Variants in XPO1 observed in about 807,000 individuals in gnomAD.
XPO1 encodes the protein exportin 1.
Under a neutral mutation model 133.3 loss-of-function variants are expected in XPO1, and 5 were observed. The observed-to-expected ratio is 0.04, with a 90% CI of 0.02 to 0.08. The LOEUF (loss-of-function observed/expected upper bound fraction) is 0.08. XPO1 is among the 10% of genes least tolerant of loss of function. The pLI is 1.00. For synonymous variants in XPO1, 419 were observed against 408.2 expected (o/e 1.03, Z -0.32); for missense variants, 506 against 1,267.5 (o/e 0.40, Z 9.12).
chr2:61,480,904 T>C (rs1558624542), intron 24 of XPO1, among the ~76,000 whole-genome samples: 1 of 152,206 alleles, frequency 6.6e-6, no homozygotes, highest in Non-Finnish European at 1.5e-5. Context: ...CCAACGTTTT[T>C]CTTACCCAAT....
intron 24 of XPO1, among the ~76,000 whole-genome samples, chr2:61,479,190 G>A (rs976637126): frequency 2.6e-5 from 4 of 152,148 alleles, no homozygotes; most frequent in Non-Finnish European, 5.9e-5. Context: ...CATGGGCCCC[G>A]GCATGGTGGC....
chr2:61,530,064 T>C (rs990108568), intron 2 of XPO1, among the ~76,000 whole-genome samples: 3 of 152,206 alleles, frequency 2.0e-5, no homozygotes, highest in Non-Finnish European at 4.4e-5. Flanking sequence ...ATTTTAGCAG[T>C]GTTTTGGTCT....
At chr2:61,518,352 A>G (rs535555366) in intron 4 of XPO1, among the ~76,000 whole-genome samples, 2 of 151,794 alleles carry the variant, frequency 1.3e-5, no homozygotes, top group East Asian at 1.9e-4. Flanking sequence ...GGAGATCGAG[A>G]CCATCCTGGC....
At chr2:61,521,622 T>C (rs912440944) in intron 4 of XPO1, among the ~76,000 whole-genome samples, 2 of 152,190 alleles carry the variant, frequency 1.3e-5, no homozygotes, top group African/African-American at 4.8e-5. Flanking sequence ...ACCTTCATTT[T>C]CTGATCTTTC....
rs546269657 is a variant in XPO1 at position 61,522,597 on chromosome 2, CTTTA to C, written c.301+10_301+13del. 2 of 1,607,932 alleles carry C rather than the reference CTTTA, an allele frequency of 1.2e-6. No individual in the cohort carries two copies. Among genetic ancestry groups the C allele is most frequent in the Non-Finnish European group, 1.7e-6 (2 of 1,176,262 alleles). On this transcript the variant is annotated intron_variant, in intron 4 of 24. Coordinates refer to ENST00000401558, the MANE Select transcript of XPO1 (RefSeq NM_003400.4). ...AAAACAAAACTCTGAATTTATAATTCTTTATTTTCCTACCTTCGCACTGGTTCCT... is the reference window on the plus strand; with the variant it reads ...AAAACAAAACTCTGAATTTATAATTCTTTTCCTACCTTCGCACTGGTTCCT...
rs552419654 is a variant in XPO1 at position 61,510,564 on chromosome 2, G to C, written c.302-8254C>G. Among the ~76,000 whole-genome samples the C allele has an allele frequency of 2.6e-5, 4 of 152,258 alleles. No individual in the cohort carries two copies. The South Asian group carries it at 8.3e-4, about 32-fold the overall frequency. On this transcript the variant is annotated intron_variant, in intron 4 of 24. Transcript: ENST00000401558. ...CCGCCATTCTTAAATGGATGTTTAT[G>C]GCCTCAAACACACTGGACAAAAAAT...
chr2:61,487,653 A>T (rs1333729222), intron 19 of XPO1, among the ~76,000 whole-genome samples: 3 of 152,188 alleles, frequency 2.0e-5, no homozygotes, highest in Non-Finnish European at 2.9e-5. Flanking sequence ...TTAAAACCTA[A>T]AACTAATTCA....
At chr2:61,491,037 A>G (rs1306860322) in intron 16 of XPO1, among the ~76,000 whole-genome samples, 1 of 152,122 alleles carries the variant, frequency 6.6e-6, no homozygotes, top group Non-Finnish European at 1.5e-5. Context: ...GGTGCCTATA[A>G]TTCCAGTTAC....
chr2:61,529,786 A>G (rs1429274198), intron 2 of XPO1, among the ~76,000 whole-genome samples: 2 of 152,174 alleles, frequency 1.3e-5, no homozygotes, highest in Admixed American at 6.5e-5. Context: ...CCATACATCA[A>G]TCAGGAAAAC....
intron 1 of XPO1, chr2:61,536,799 G>A (rs1031031379): frequency 3.3e-5 from 5 of 152,278 alleles, no homozygotes; most frequent in East Asian, 1.9e-4. Flanking sequence ...GTGATCAGAG[G>A]AGGTCCGGGC....
At chr2:61,512,771 G>C (rs1266756152) in intron 4 of XPO1, among the ~76,000 whole-genome samples, 1 of 152,174 alleles carries the variant, frequency 6.6e-6, no homozygotes, top group Non-Finnish European at 1.5e-5. Flanking sequence ...AGCTGGGTGC[G>C]GTAGCTCACA....
chr2:61,521,728 G>T (rs1451685450), intron 4 of XPO1, among the ~76,000 whole-genome samples: 1 of 152,022 alleles, frequency 6.6e-6, no homozygotes, highest in Non-Finnish European at 1.5e-5. Context: ...CCATTCCCGA[G>T]TTAACCTTAC....
At chr2:61,506,892 C>A (rs1017080586) in intron 4 of XPO1, among the ~76,000 whole-genome samples, 3 of 151,892 alleles carry the variant, frequency 2.0e-5, no homozygotes, top group African/African-American at 7.3e-5. Context: ...ATTTCAATTC[C>A]TTTAAACTGG....
chr2:61,522,199 G>A (rs768391169), intron 4 of XPO1, among the ~76,000 whole-genome samples: 1 of 152,078 alleles, frequency 6.6e-6, no homozygotes, highest in African/African-American at 2.4e-5. Context: ...TGGGACCACA[G>A]ACATGAACCA....
At chr2:61,528,820 T>C (rs1699032913) in intron 2 of XPO1, among the ~76,000 whole-genome samples, 1 of 149,334 alleles carries the variant, frequency 6.7e-6, no homozygotes, top group African/African-American at 2.4e-5. Flanking sequence ...CATTAATATT[T>C]TTACCAACAG....
Position 61,490,629 on chromosome 2 carries a change from T to G in XPO1, c.2022+13A>C, listed in dbSNP as rs373073160. 1 of 1,613,712 alleles carries G rather than the reference T, an allele frequency of 6.2e-7. No homozygotes were observed. The highest frequency in any genetic ancestry group is 8.5e-7 in the Non-Finnish European group (1 of 1,179,936). On this transcript the variant is annotated intron_variant, in intron 17 of 24. Transcript: ENST00000401558. ...TCCCATGAAAACTTTTAAGAAAAGG[T>G]AGAAATACTTACTTTGGTTGCCTGC... is the stretch of plus-strand genomic sequence containing the variant.
Position 61,526,507 on chromosome 2 carries a change from T to C in XPO1, c.141A>G (p.Gln47=), listed in dbSNP as rs373257966. Residue 47 remains glutamine, a synonymous_variant, in exon 3 of 25, where the codon CAA becomes CAG. Transcript: ENST00000401558. Reference sequence around the variant, plus strand: ...GCTCCTTTAAATGTGTCAGTACTTCTTGAGCCATTCTTTGCTAAAATATTA... The same window carrying C: ...GCTCCTTTAAATGTGTCAGTACTTCCTGAGCCATTCTTTGCTAAAATATTA... ...HGEGAQQRMA[Q]EVLTHLKEHP... is the part of the protein sequence containing the mutation. 2.5e-6 allele frequency: 4 copies of C among 1,579,684 alleles called. No homozygotes were observed. Among genetic ancestry groups the C allele is most frequent in the African/African-American group, 2.7e-5 (2 of 73,234 alleles).
At chr2:61,518,653 C>A (rs1015940936) in intron 4 of XPO1, among the ~76,000 whole-genome samples, 4 of 151,428 alleles carry the variant, frequency 2.6e-5, no homozygotes, top group East Asian at 3.9e-4. Context: ...CAAAAAAAAA[C>A]CAAAGAAAAA....
chr2:61,481,870 G>A (rs1696376959), intron 23 of XPO1, among the ~76,000 whole-genome samples: 1 of 151,678 alleles, frequency 6.6e-6, no homozygotes, highest in Admixed American at 6.6e-5. Context: ...CAAGTAGCTG[G>A]GATTTCAGGC....
Sources: allele counts gnomAD v4.1 joint callset (sites outside exome capture counted in the v4.1 genomes callset), GRCh38; gene constraint gnomAD v4.1.1; transcripts MANE v1.5; gene names NCBI Gene and HGNC (gene_info 2026-07-23, HGNC 2026-07-21).